The following DEPTOR variants were observed in gnomAD, a reference collection of about 807,000 sequenced individuals.
DEPTOR encodes the protein DEP domain containing MTOR interacting protein.
DEPTOR carries 41 observed loss-of-function variants against 41.6 expected under a neutral mutation model. The ratio of observed to expected loss-of-function variants is 0.98; its 90% CI spans 0.77 to 1.28. The LOEUF is 1.28. Ranked by LOEUF, DEPTOR falls within the 50% of genes most tolerant of loss-of-function variation. The probability of loss-of-function intolerance (pLI) is 0.00; values close to 1 mark genes in which losing one functional copy is unlikely to be tolerated. For missense variants in DEPTOR, 514 were observed against 527.9 expected (o/e 0.97, Z 0.26); for synonymous variants, 195 against 192.3 (o/e 1.01, Z -0.12).
chr8:119,939,229 C>T (rs1033070619), intron 3 of DEPTOR, among the ~76,000 whole-genome samples: 2 of 152,106 alleles, frequency 1.3e-5, no homozygotes, highest in Non-Finnish European at 2.9e-5. Flanking sequence ...AAATAACCAG[C>T]CCTAGGTCAC....
chr8:119,878,009 G>A (rs1056203927), intron 1 of DEPTOR, among the ~76,000 whole-genome samples: 18 of 152,086 alleles, frequency 1.2e-4, no homozygotes, highest in Admixed American at 2.0e-4. Flanking sequence ...TCGGCTCACC[G>A]CAACCTCTGC....
chr8:119,894,412 T>TTTATTTATTTATTTATTTA (rs1554671423), intron 1 of DEPTOR, among the ~76,000 whole-genome samples: 8,647 of 148,588 alleles, frequency 0.058, 360 homozygotes, highest in Middle Eastern at 0.09. Flanking sequence ...TTATTTATTT[T>TTTATTTATTTATTTATTTA]TTGAGACAGA....
chr8:120,029,204 A>G (rs1372160478), intron 8 of DEPTOR, among the ~76,000 whole-genome samples: 1 of 152,090 alleles, frequency 6.6e-6, no homozygotes, highest in Non-Finnish European at 1.5e-5. Context: ...TGTTTCATGT[A>G]CCATACCTAG....
rs867371359 is a variant in DEPTOR at position 119,916,275 on chromosome 8, T to G, written c.123-12125T>G. On this transcript the variant is annotated intron_variant, in intron 1 of 8. Transcript: ENST00000286234. ...CCACCAGGCTAGGCTAATTTTTTTT[T>G]TTTTTTTTTTTTTTTTTTTTTTTTT... Among the ~76,000 whole-genome samples, 450 of 144,768 alleles carry G rather than the reference T, an allele frequency of 3.1e-3. 13 individuals are homozygous for G. Among genetic ancestry groups the G allele is most frequent in the Non-Finnish European group, 3.9e-3 (257 of 66,040 alleles). 95.0% of individuals were successfully genotyped at this position (144,768 alleles called of 152,430 possible). A position where few individuals can be genotyped will look rare whatever the true frequency, so the allele number is the denominator to read the frequency against.
chr8:120,022,736 A>G (rs929913816), intron 8 of DEPTOR, among the ~76,000 whole-genome samples: 1 of 150,568 alleles, frequency 6.6e-6, no homozygotes, highest in Non-Finnish European at 1.5e-5. Context: ...GACTCTCCCT[A>G]TGTTGCCCAG....
At chr8:120,046,644 A>G (rs897305363) in intron 8 of DEPTOR, among the ~76,000 whole-genome samples, 3 of 151,984 alleles carry the variant, frequency 2.0e-5, no homozygotes, top group Non-Finnish European at 2.9e-5. Flanking sequence ...TTTTGTAGAG[A>G]CGGAGTCTCA....
At chr8:120,027,167 G>T (rs1002676613) in intron 8 of DEPTOR, among the ~76,000 whole-genome samples, 1 of 151,392 alleles carries the variant, frequency 6.6e-6, no homozygotes, top group African/African-American at 2.4e-5. Context: ...GCGGTGAGCC[G>T]AGATTGTGCC....
At chr8:120,007,538 A>G (rs1812461717) in intron 7 of DEPTOR, among the ~76,000 whole-genome samples, 3 of 152,142 alleles carry the variant, frequency 2.0e-5, no homozygotes, top group African/African-American at 4.8e-5. Context: ...TCTTTTCAGC[A>G]TCACCGCACC....
intron 1 of DEPTOR, among the ~76,000 whole-genome samples, chr8:119,909,891 G>T (rs772149651): frequency 8.5e-4 from 129 of 152,186 alleles, no homozygotes; most frequent in Non-Finnish European, 1.6e-3. Flanking sequence ...ATGAAATTTG[G>T]ATTTATTATT....
chr8:119,985,826 C>CTTTTTTTTTTTTTTTTT (rs999602227), intron 4 of DEPTOR, among the ~76,000 whole-genome samples: 3 of 41,634 alleles, frequency 7.2e-5, no homozygotes, highest in African/African-American at 2.2e-4. Flanking sequence ...AACCCCTGCT[C>CTTTTTTTTTTTTTTTTT]TTTTTTTTTT....
intron 1 of DEPTOR, among the ~76,000 whole-genome samples, chr8:119,894,542 A>G (rs1472257917): frequency 6.6e-6 from 1 of 150,642 alleles, no homozygotes; most frequent in East Asian, 2.0e-4. Context: ...GACTACAGGC[A>G]CCCGCCACTA....
chr8:120,038,685 C>G (rs1003376597), intron 8 of DEPTOR, among the ~76,000 whole-genome samples: 32 of 152,132 alleles, frequency 2.1e-4, no homozygotes, highest in Admixed American at 2.0e-3. Context: ...CTAGGATGCT[C>G]ATCTATGTGG....
chr8:120,035,990 G>C (rs1402398997), intron 8 of DEPTOR, among the ~76,000 whole-genome samples: 2 of 152,222 alleles, frequency 1.3e-5, no homozygotes, highest in Non-Finnish European at 1.5e-5. Flanking sequence ...CCTTCAGCCT[G>C]ATCTATGCCT....
chr8:120,024,513 G>A (rs1038819161), intron 8 of DEPTOR, among the ~76,000 whole-genome samples: 1 of 152,142 alleles, frequency 6.6e-6, no homozygotes, highest in African/African-American at 2.4e-5. Flanking sequence ...TCATAAGGGT[G>A]GGCCTAATCC....
intron 8 of DEPTOR, among the ~76,000 whole-genome samples, chr8:120,010,285 T>C (rs1258251391): frequency 6.7e-6 from 1 of 148,628 alleles, no homozygotes; most frequent in Non-Finnish European, 1.5e-5. Context: ...GGAAGATTTT[T>C]GAAAATAACT....
intron 6 of DEPTOR, among the ~76,000 whole-genome samples, chr8:120,005,178 G>GGA (rs2130091836): frequency 6.6e-6 from 1 of 152,236 alleles, no homozygotes; most frequent in Admixed American, 6.5e-5. Context: ...TATGGGGAGT[G>GGA]GAGAGAGAGT....
chr8:119,936,956 G>A (rs183513703), intron 3 of DEPTOR, among the ~76,000 whole-genome samples: 1,808 of 151,370 alleles, frequency 0.012, 35 homozygotes, highest in African/African-American at 0.041. Flanking sequence ...CCTGGGAGGC[G>A]GAGGTTGCAG....
In DEPTOR at chr8:119,965,371, C is replaced by G; in HGVS notation, c.565C>G (p.Leu189Val). ...EATTRKEAEQ[L>V]CHRLMEHGII... ...CACCACGAGGAAAGAGGCAGAGCAG[C>G]TTTGCCACCGGCTTATGGAGCATGG... Residue 189 changes from leucine (L) to valine (V), a missense_variant, in exon 4 of 9, where the codon CTT (leucine) becomes GTT (valine). Coordinates refer to ENST00000286234, the MANE Select transcript of DEPTOR (RefSeq NM_022783.4). 6.2e-7 allele frequency: 1 copy of G among 1,614,100 alleles called. No individual in the cohort carries two copies.
At chr8:120,028,198 C>G (rs1812829702) in intron 8 of DEPTOR, among the ~76,000 whole-genome samples, 1 of 151,980 alleles carries the variant, frequency 6.6e-6, no homozygotes, top group East Asian at 1.9e-4. Context: ...CTCTGTCACC[C>G]AGGCTGGCAT....
Sources: allele counts gnomAD v4.1 joint callset (sites outside exome capture counted in the v4.1 genomes callset), GRCh38; gene constraint gnomAD v4.1.1; transcripts MANE v1.5; gene names NCBI Gene and HGNC (gene_info 2026-07-23, HGNC 2026-07-21).